ADGRB3: variants seen among roughly 807,000 people sequenced by gnomAD.
ADGRB3 encodes brain-specific angiogenesis inhibitor 3.
A neutral mutation model predicts 193.4 loss-of-function variants in ADGRB3; 37 were observed. That is an observed-to-expected ratio of 0.19 (90% CI 0.15 to 0.25). The LOEUF (loss-of-function observed/expected upper bound fraction) is 0.25. Ranked by LOEUF, ADGRB3 falls within the 10% of genes least tolerant of loss-of-function variation. ADGRB3 has a pLI of 1.00. For synonymous variants in ADGRB3, 690 were observed against 644.2 expected (o/e 1.07, Z -1.08); for missense variants, 1,637 against 1,852.9 (o/e 0.88, Z 2.14).
At chr6:68,713,974 T>C (rs1765449553) in intron 3 of ADGRB3, among the ~76,000 whole-genome samples, 1 of 151,704 alleles carries the variant, frequency 6.6e-6, no homozygotes, top group South Asian at 2.1e-4. Context: ...GCATTAAAAT[T>C]ATATATGGCA....
At chr6:69,200,257 A>C (rs1008016258) in intron 17 of ADGRB3, among the ~76,000 whole-genome samples, 3 of 152,148 alleles carry the variant, frequency 2.0e-5, no homozygotes, top group African/African-American at 7.2e-5. Flanking sequence ...TGCATTTCAC[A>C]AAAGCAACCA....
chr6:69,087,818 A>G (rs898776543), intron 17 of ADGRB3, among the ~76,000 whole-genome samples: 6 of 152,228 alleles, frequency 3.9e-5, no homozygotes, highest in Admixed American at 2.0e-4. Context: ...TTGACTACCC[A>G]TGAGTCTACG....
chr6:68,909,313 C>A (rs939234948), intron 3 of ADGRB3, among the ~76,000 whole-genome samples: 1 of 152,074 alleles, frequency 6.6e-6, no homozygotes, highest in Non-Finnish European at 1.5e-5. Context: ...GAAAACAACA[C>A]CCTGCCTGTG....
chr6:68,818,195 G>A (rs1041961916), intron 3 of ADGRB3, among the ~76,000 whole-genome samples: 1 of 152,016 alleles, frequency 6.6e-6, no homozygotes, highest in African/African-American at 2.4e-5. Flanking sequence ...TGTGCGCACC[G>A]CCTTCTCCAC....
intron 11 of ADGRB3, among the ~76,000 whole-genome samples, chr6:69,005,207 G>T (rs987673840): frequency 3.3e-5 from 5 of 151,698 alleles, no homozygotes; most frequent in Non-Finnish European, 5.9e-5. Context: ...TTTAAAAGGG[G>T]ACTGTAGGCA....
At chr6:69,300,448 G>A (rs984909263) in intron 20 of ADGRB3, among the ~76,000 whole-genome samples, 2 of 151,674 alleles carry the variant, frequency 1.3e-5, no homozygotes, top group African/African-American at 2.4e-5. Context: ...TTCAAGATAG[G>A]ACTGGAAGTC....
chr6:69,242,886 T>C lies in ADGRB3; in HGVS notation c.2814+3660T>C, dbSNP rs1766414661. 2.0e-5 allele frequency among the ~76,000 whole-genome samples: 3 copies of C among 151,974 alleles called. No homozygotes were observed. In the South Asian group the frequency reaches 6.2e-4, roughly 31 times the overall value. On this transcript the variant is annotated intron_variant, in intron 20 of 31. Transcript: ENST00000370598. Reference sequence around the variant, plus strand: ...TTTGTAAAGCATTTCCTTTACACCTTTAAGTATGCATTTGTGTTTTTGTTG... The same window carrying C: ...TTTGTAAAGCATTTCCTTTACACCTCTAAGTATGCATTTGTGTTTTTGTTG...
At chr6:68,763,235 C>T (rs544759551) in intron 3 of ADGRB3, among the ~76,000 whole-genome samples, 7 of 152,172 alleles carry the variant, frequency 4.6e-5, no homozygotes, top group Non-Finnish European at 5.9e-5. Flanking sequence ...GGATTACAGG[C>T]GCCCACCATA....
intron 3 of ADGRB3, among the ~76,000 whole-genome samples, chr6:68,669,193 C>T (rs534055073): frequency 1.3e-4 from 19 of 151,910 alleles, no homozygotes; most frequent in African/African-American, 4.6e-4. Flanking sequence ...GGCATCCATC[C>T]CCTCAAGCAT....
intron 3 of ADGRB3, among the ~76,000 whole-genome samples, chr6:68,658,616 T>C (rs1442065305): frequency 1.3e-5 from 2 of 151,368 alleles, no homozygotes; most frequent in Admixed American, 1.3e-4. Context: ...CAAAGTTTAC[T>C]TTTTACTCAC....
At chr6:68,769,734 TTTAAG>T (rs747680450) in intron 3 of ADGRB3, among the ~76,000 whole-genome samples, 2 of 152,130 alleles carry the variant, frequency 1.3e-5, no homozygotes, top group Non-Finnish European at 2.9e-5. Context: ...TTTGAGATTC[TTTAAG>T]TTAAAAGTTT....
intron 3 of ADGRB3, among the ~76,000 whole-genome samples, chr6:68,842,635 AGAG>A (rs1466948457): frequency 6.6e-6 from 1 of 152,058 alleles, no homozygotes; most frequent in African/African-American, 2.4e-5. Context: ...TTTGCAAAAT[AGAG>A]GAGGAGAGAA....
intron 17 of ADGRB3, among the ~76,000 whole-genome samples, chr6:69,225,153 T>A (rs961039780): frequency 1.3e-5 from 2 of 152,198 alleles, no homozygotes; most frequent in African/African-American, 4.8e-5. Context: ...CTTTTGACTT[T>A]TGTTGATAAA....
intron 11 of ADGRB3, among the ~76,000 whole-genome samples, chr6:69,004,928 C>T (rs1769702615): frequency 6.6e-6 from 1 of 152,066 alleles, no homozygotes; most frequent in Non-Finnish European, 1.5e-5. Flanking sequence ...GTGACTACTG[C>T]CTGTAGTCTT....
At chr6:69,141,771 A>AT (rs1774348724) in intron 17 of ADGRB3, among the ~76,000 whole-genome samples, 1 of 152,136 alleles carries the variant, frequency 6.6e-6, no homozygotes, top group Non-Finnish European at 1.5e-5. Flanking sequence ...AGGCTGTGGA[A>AT]TTTCTGAAAT....
At chr6:68,656,848 C>CT (rs1156564613) in intron 3 of ADGRB3, among the ~76,000 whole-genome samples, 3 of 151,544 alleles carry the variant, frequency 2.0e-5, no homozygotes, top group Non-Finnish European at 4.4e-5. Context: ...AAAATATGAA[C>CT]TTTATTTTCT....
At chr6:69,380,223 A>T (rs1256842888) in intron 30 of ADGRB3, among the ~76,000 whole-genome samples, 1 of 152,000 alleles carries the variant, frequency 6.6e-6, no homozygotes, top group East Asian at 1.9e-4. Flanking sequence ...TGCAACAAAC[A>T]TTAGGTGACT....
chr6:69,270,496 A>G (rs553253744), intron 20 of ADGRB3, among the ~76,000 whole-genome samples: 1 of 152,330 alleles, frequency 6.6e-6, no homozygotes, highest in African/African-American at 2.4e-5. Context: ...TATTGAGAAA[A>G]GAAAATAACA....
intron 17 of ADGRB3, among the ~76,000 whole-genome samples, chr6:69,165,441 G>T (rs996080632): frequency 1.3e-5 from 2 of 149,858 alleles, no homozygotes; most frequent in Non-Finnish European, 3.0e-5. Context: ...CAAAACAATT[G>T]TTTGGTTTAC....
Sources: allele counts gnomAD v4.1 joint callset (sites outside exome capture counted in the v4.1 genomes callset), GRCh38; gene constraint gnomAD v4.1.1; transcripts MANE v1.5; gene names NCBI Gene and HGNC (gene_info 2026-07-23, HGNC 2026-07-21).